KLF12: variants seen among roughly 807,000 people sequenced by gnomAD.
KLF12 encodes the protein KLF transcription factor 12, also known as Krueppel-like factor 12.
A neutral mutation model predicts 37.8 loss-of-function variants in KLF12; 9 were observed. That is an observed-to-expected ratio of 0.24 (90% confidence interval 0.14 to 0.42). KLF12 has a LOEUF of 0.42. Among genes scored for constraint, KLF12 ranks in the 10% least tolerant of loss-of-function variants. The pLI is 1.00. For synonymous variants in KLF12, 208 were observed against 202.1 expected, an observed-to-expected ratio of 1.03 and a Z score of -0.25; for missense variants, 411 against 516.0, an observed-to-expected ratio of 0.80 and a Z score of 1.97.
chr13:74,188,404 T>G, the KLF12 span, among the ~76,000 whole-genome samples: 1 of 152,202 alleles, frequency 6.6e-6, no homozygotes, highest in Non-Finnish European at 1.5e-5. Context: ...TCTGAAAATA[T>G]GCAAATTCGA....
At chr13:74,008,153 C>T (rs1284352950) in intron 1 of KLF12, among the ~76,000 whole-genome samples, 3 of 152,284 alleles carry the variant, frequency 2.0e-5, no homozygotes, top group Non-Finnish European at 2.9e-5. Flanking sequence ...ATGATTTATA[C>T]AATTTTTGCA....
chr13:73,735,260 T>A (rs748709143), intron 6 of KLF12, among the ~76,000 whole-genome samples: 1 of 152,014 alleles, frequency 6.6e-6, no homozygotes, highest in Non-Finnish European at 1.5e-5. Flanking sequence ...ATTGTGCCAC[T>A]GCACTCCAGT....
At chr13:74,019,392 G>T (rs1332291941) in intron 1 of KLF12, among the ~76,000 whole-genome samples, 1 of 152,150 alleles carries the variant, frequency 6.6e-6, no homozygotes, top group African/African-American at 2.4e-5. Flanking sequence ...CCATTTCACT[G>T]TAACTCTCTT....
the KLF12 span, among the ~76,000 whole-genome samples, chr13:74,181,369 A>T: frequency 6.6e-6 from 1 of 151,470 alleles, no homozygotes; most frequent in African/African-American, 2.4e-5. Flanking sequence ...GTGAAAAAAA[A>T]AAAAGAAAAA....
the KLF12 span, among the ~76,000 whole-genome samples, chr13:74,214,572 T>G: frequency 1.2e-4 from 19 of 152,262 alleles, no homozygotes; most frequent in Middle Eastern, 3.4e-3. Flanking sequence ...TTCACAAATG[T>G]GAAGGCGTTG....
chr13:73,960,901 C>T (rs111389480), intron 2 of KLF12, among the ~76,000 whole-genome samples: 12,406 of 152,106 alleles, frequency 0.082, 673 homozygotes, highest in Admixed American at 0.12. Context: ...AAGTATTTAG[C>T]ATCCTTAAAA....
In KLF12 at chr13:73,955,707, G is replaced by A. The variant is rs141435605; in HGVS notation, c.34-11637C>T. ...AAGAGAAAGACATTTATTACTGAAC[G>A]TATTTAACAAACAGATTACTGGAGA... On this transcript the variant is annotated intron_variant, in intron 2 of 7. Transcript: ENST00000377669. Among the ~76,000 whole-genome samples the A allele has an allele frequency of 3.1e-3, 468 of 152,298 alleles. 3 individuals carry two copies. Among genetic ancestry groups the A allele is most frequent in the African/African-American group, 0.01 (434 of 41,558 alleles).
chr13:73,750,421 T>G (rs1377825496), intron 6 of KLF12, among the ~76,000 whole-genome samples: 2 of 152,138 alleles, frequency 1.3e-5, no homozygotes, highest in African/African-American at 4.8e-5. Context: ...TGCTGCCACA[T>G]GTGCTGTGCT....
At chr13:74,300,902 T>G in the KLF12 span, among the ~76,000 whole-genome samples, 1 of 152,160 alleles carries the variant, frequency 6.6e-6, no homozygotes, top group Non-Finnish European at 1.5e-5. Context: ...TCACAGTACT[T>G]ATTCAAGCAG....
intron 4 of KLF12, among the ~76,000 whole-genome samples, chr13:73,842,151 C>T (rs972012009): frequency 6.6e-6 from 1 of 152,166 alleles, no homozygotes; most frequent in Non-Finnish European, 1.5e-5. Context: ...CTTAGTCAAG[C>T]ATCCCTTGCA....
intron 1 of KLF12, among the ~76,000 whole-genome samples, chr13:74,007,153 C>A (rs1164191263): frequency 1.3e-5 from 2 of 151,750 alleles, no homozygotes; most frequent in Non-Finnish European, 2.9e-5. Context: ...TTTTAATTAA[C>A]CTTAGAATTT....
the KLF12 span, among the ~76,000 whole-genome samples, chr13:74,198,759 G>T: frequency 1.3e-5 from 2 of 152,176 alleles, no homozygotes; most frequent in Admixed American, 6.5e-5. Context: ...ACAAGTGGCT[G>T]AGAGAGGGCT....
At chr13:74,237,924 C>T in the KLF12 span, among the ~76,000 whole-genome samples, 1 of 151,528 alleles carries the variant, frequency 6.6e-6, no homozygotes, top group Non-Finnish European at 1.5e-5. Context: ...AATTGAATAC[C>T]CTTTATTTCC....
intron 5 of KLF12, among the ~76,000 whole-genome samples, chr13:73,798,257 A>G (rs1291978360): frequency 6.6e-6 from 1 of 152,198 alleles, no homozygotes; most frequent in East Asian, 1.9e-4. Flanking sequence ...TACACCATAT[A>G]CAAAAATTAA....
chr13:74,300,544 G>T, the KLF12 span, among the ~76,000 whole-genome samples: 1 of 152,064 alleles, frequency 6.6e-6, no homozygotes, highest in Non-Finnish European at 1.5e-5. Context: ...CTCTGGGCTG[G>T]TTTCATTTCA....
chr13:73,950,641 A>C (rs1411212046), intron 2 of KLF12, among the ~76,000 whole-genome samples: 4 of 152,158 alleles, frequency 2.6e-5, no homozygotes, highest in Non-Finnish European at 4.4e-5. Flanking sequence ...AAAGCAAGAA[A>C]ACATCATGGC....
intron 2 of KLF12, among the ~76,000 whole-genome samples, chr13:73,953,970 CTTTTTTTTTTTTT>C (rs67945624): frequency 1.9e-4 from 17 of 88,538 alleles, no homozygotes; most frequent in African/African-American, 7.1e-4. Flanking sequence ...TTTTTTCTTT[CTTTTTTTTTTTTT>C]TTTTTTTTTT....
chr13:74,290,627 T>C, the KLF12 span, among the ~76,000 whole-genome samples: 1 of 152,210 alleles, frequency 6.6e-6, no homozygotes, highest in Admixed American at 6.5e-5. Context: ...GTAGTGACAA[T>C]GTGTTCCGTG....
the KLF12 span, among the ~76,000 whole-genome samples, chr13:74,271,524 CTG>C: frequency 6.6e-6 from 1 of 152,134 alleles, no homozygotes; most frequent in South Asian, 2.1e-4. Context: ...AAATGAATGA[CTG>C]TGTTGCATTT....
Sources: allele counts gnomAD v4.1 joint callset (sites outside exome capture counted in the v4.1 genomes callset), GRCh38; gene constraint gnomAD v4.1.1; transcripts MANE v1.5; gene names NCBI Gene and HGNC (gene_info 2026-07-23, HGNC 2026-07-21).